AGBL3: variants seen among roughly 807,000 people sequenced by gnomAD.
AGBL3 encodes cytosolic carboxypeptidase 3.
AGBL3 carries 68 observed loss-of-function variants against 94.5 expected under a neutral mutation model. The ratio of observed to expected loss-of-function variants is 0.72; its 90% CI spans 0.59 to 0.88. AGBL3 has a LOEUF of 0.88. Ranked by LOEUF, AGBL3 falls within the 40% of genes least tolerant of loss-of-function variation. The pLI is 0.00. For synonymous variants in AGBL3, 354 were observed against 370.7 expected (o/e 0.95, Z 0.52); for missense variants, 934 against 1,103.8 (o/e 0.85, Z 2.18).
intron 4 of AGBL3, among the ~76,000 whole-genome samples, chr7:134,994,356 G>T (rs1810699575): frequency 6.6e-6 from 1 of 151,824 alleles, no homozygotes; most frequent in South Asian, 2.1e-4. Flanking sequence ...GGATGTTTAT[G>T]AAACTGAAGA....
At chr7:135,090,304 G>A (rs1354640696) in intron 15 of AGBL3, among the ~76,000 whole-genome samples, 1 of 152,158 alleles carries the variant, frequency 6.6e-6, no homozygotes, top group African/African-American at 2.4e-5. Flanking sequence ...GCAGAGCAAT[G>A]ACTCCATTTT....
At chr7:135,077,857 T>C (rs1585021774) in intron 13 of AGBL3, among the ~76,000 whole-genome samples, 1 of 152,308 alleles carries the variant, frequency 6.6e-6, no homozygotes, top group Middle Eastern at 3.4e-3. Context: ...AGGTGTTTCC[T>C]ATCTGTAGAA....
intron 4 of AGBL3, among the ~76,000 whole-genome samples, chr7:135,008,947 C>T (rs1812753878): frequency 6.6e-6 from 1 of 152,170 alleles, no homozygotes; most frequent in Non-Finnish European, 1.5e-5. Context: ...TCTTTACCCC[C>T]ACTAGGATGA....
At chr7:135,085,043 G>A (rs1382673534) in intron 15 of AGBL3, among the ~76,000 whole-genome samples, 3 of 152,040 alleles carry the variant, frequency 2.0e-5, no homozygotes. Flanking sequence ...TATTCTAACA[G>A]ATATGAGACC....
chr7:135,102,250 A>G (rs1823947708), intron 15 of AGBL3, among the ~76,000 whole-genome samples: 1 of 152,220 alleles, frequency 6.6e-6, no homozygotes, highest in Non-Finnish European at 1.5e-5. Context: ...AATGGAACAT[A>G]AAGTTTCTTC....
At chr7:135,047,438 TTC>T (rs1244063383) in intron 11 of AGBL3, among the ~76,000 whole-genome samples, 5 of 152,044 alleles carry the variant, frequency 3.3e-5, no homozygotes, top group African/African-American at 1.2e-4. Context: ...TTTTTAGACT[TTC>T]TGAGGAACCT....
chr7:135,050,792 C>T lies in AGBL3; in HGVS notation c.1841+4881C>T, dbSNP rs144322291. On this transcript the variant is annotated intron_variant, in intron 11 of 16. Coordinates refer to ENST00000436302, the MANE Select transcript of AGBL3 (RefSeq NM_178563.4). ...TTTTCCCATCCCTTAATTCAGTCTACGTATTTCCTTAAATCTACAGGGAGT... is the reference window on the plus strand; with the variant it reads ...TTTTCCCATCCCTTAATTCAGTCTATGTATTTCCTTAAATCTACAGGGAGT... Among the ~76,000 whole-genome samples the T allele has an allele frequency of 3.9e-3, 593 of 152,042 alleles. 2 individuals carry two copies. The highest frequency in any genetic ancestry group is 0.014 in the African/African-American group (562 of 41,538).
At chr7:135,108,420 G>A (rs1163306154) in intron 15 of AGBL3, among the ~76,000 whole-genome samples, 1 of 152,130 alleles carries the variant, frequency 6.6e-6, no homozygotes, top group Admixed American at 6.5e-5. Context: ...AACTCCCTCA[G>A]CATTGGCTTA....
At position 135,115,402 on chromosome 7, in the gene AGBL3, C is replaced by T. The variant is rs1411856561; in HGVS notation, c.2133C>T (p.Ser711=). 5.2e-6 allele frequency: 8 copies of T among 1,550,362 alleles called. No individual in the cohort carries two copies. The highest frequency in any genetic ancestry group is 7.0e-6 in the Non-Finnish European group (8 of 1,146,440). The change falls in exon 16 of 17, where the codon AGC becomes AGT. Residue 711 remains serine (S), a synonymous_variant. Coordinates refer to ENST00000436302, the MANE Select transcript of AGBL3 (RefSeq NM_178563.4). ...QGLDLHHNLK[S]KIKECISFQS... The stretch of plus-strand genomic sequence containing the variant: ...CAGATCTGCACCACAACTTAAAAAG[C>T]AAAATAAAAGAATGCATATCTTTCC...
intron 15 of AGBL3, among the ~76,000 whole-genome samples, chr7:135,106,309 T>G (rs966205705): frequency 6.6e-5 from 10 of 152,198 alleles, no homozygotes; most frequent in African/African-American, 2.4e-4. Flanking sequence ...TGTGCCAGTA[T>G]TTAAGGGGAA....
rs529369083 is a variant in AGBL3 at position 135,121,596 on chromosome 7, C to T, written c.2342+5985C>T. On this transcript the variant is annotated intron_variant, in intron 16 of 16. Transcript: ENST00000436302. ...AAACATTTGGAAACTAAATAACACA[C>T]TTCTGAATAAATCGTGAGTCAAAAA... is the stretch of plus-strand genomic sequence containing the variant. 1.9e-4 allele frequency among the ~76,000 whole-genome samples: 29 copies of T among 151,224 alleles called. No individual in the cohort carries two copies. In the South Asian group the frequency reaches 5.7e-3, roughly 29 times the overall value.
chr7:135,102,041 C>T (rs920323529), intron 15 of AGBL3, among the ~76,000 whole-genome samples: 1 of 152,180 alleles, frequency 6.6e-6, no homozygotes, highest in African/African-American at 2.4e-5. Context: ...CGTGAGGCCT[C>T]CCTAGCCACA....
At chr7:135,043,707 AACTT>A (rs959788078) in intron 8 of AGBL3, among the ~76,000 whole-genome samples, 16 of 152,222 alleles carry the variant, frequency 1.1e-4, no homozygotes, top group East Asian at 1.9e-4. Flanking sequence ...TGTATATATA[AACTT>A]ACTATGTACC....
chr7:135,046,316 G>A (rs1345942297), intron 11 of AGBL3, among the ~76,000 whole-genome samples: 2 of 152,076 alleles, frequency 1.3e-5, no homozygotes, highest in African/African-American at 4.8e-5. Flanking sequence ...TGAGTCTGCA[G>A]TGACATGTCT....
chr7:135,106,709 AG>A (rs1188948588), intron 15 of AGBL3, among the ~76,000 whole-genome samples: 6 of 152,208 alleles, frequency 3.9e-5, no homozygotes, highest in Non-Finnish European at 8.8e-5. Flanking sequence ...TTTTGGTATC[AG>A]GATAATGCTG....
chr7:135,099,541 G>A (rs902374226), intron 15 of AGBL3, among the ~76,000 whole-genome samples: 12 of 152,204 alleles, frequency 7.9e-5, no homozygotes, highest in Non-Finnish European at 1.3e-4. Flanking sequence ...ATACCTGAAC[G>A]AGCCCCTTCT....
chr7:134,993,843 G>A (rs909852873), intron 4 of AGBL3, among the ~76,000 whole-genome samples, 165 bp downstream of exon 4: 7 of 152,104 alleles, frequency 4.6e-5, no homozygotes, highest in African/African-American at 1.7e-4. Context: ...CATTTAAAAA[G>A]GCAAAAAGAA....
chr7:135,063,278 G>T (rs1818996968), intron 12 of AGBL3, among the ~76,000 whole-genome samples: 1 of 151,468 alleles, frequency 6.6e-6, no homozygotes. Context: ...TGTCCATTTT[G>T]TTTCTTTTTT....
At chr7:135,101,582 A>G (rs927738836) in intron 15 of AGBL3, among the ~76,000 whole-genome samples, 5 of 152,154 alleles carry the variant, frequency 3.3e-5, no homozygotes, top group African/African-American at 1.2e-4. Context: ...CAAGAAAATA[A>G]AAAGACATTC....
Sources: gnomAD v4.1 joint callset for allele counts (sites outside exome capture counted in the v4.1 genomes callset) on GRCh38, gnomAD v4.1.1 for gene constraint, MANE v1.5 for transcripts, NCBI Gene and HGNC (gene_info 2026-07-23, HGNC 2026-07-21) for gene names.